NDFIP1: variants seen among roughly 807,000 people sequenced by gnomAD.
The protein encoded by NDFIP1 is Nedd4 family interacting protein 1.
A neutral mutation model predicts 28.8 loss-of-function variants in NDFIP1; 7 were observed. The observed-to-expected ratio is 0.24, with a 90% CI of 0.14 to 0.46. NDFIP1 has a LOEUF of 0.46. NDFIP1 is among the 20% of genes least tolerant of loss of function. The pLI, the probability that NDFIP1 is intolerant of heterozygous loss-of-function variation, is 0.99. For synonymous variants in NDFIP1, 92 were observed against 101.0 expected (o/e 0.91, Z 0.53); for missense variants, 194 against 269.1 (o/e 0.72, Z 1.95).
intron 1 of NDFIP1, among the ~76,000 whole-genome samples, chr5:142,114,375 G>A (rs1389303691): frequency 6.6e-6 from 1 of 152,106 alleles, no homozygotes; most frequent in Non-Finnish European, 1.5e-5. Flanking sequence ...TAGAGAAAAT[G>A]TGTATTCATG....
intron 1 of NDFIP1, among the ~76,000 whole-genome samples, chr5:142,123,546 G>A (rs188769021): frequency 5.3e-5 from 8 of 152,238 alleles, no homozygotes; most frequent in African/African-American, 1.9e-4. Context: ...ATAATTAGGA[G>A]CTTGTTTGTG....
At chr5:142,109,112 C>G (rs940739246) in intron 1 of NDFIP1, 75 bp downstream of exon 1, 15 of 1,206,160 alleles carry the variant, frequency 1.2e-5, no homozygotes, top group Non-Finnish European at 1.6e-5. Flanking sequence ...TCAGGCCTCT[C>G]TGGCCGGCCC....
At chr5:142,130,634 A>AG (rs1398375697) in intron 1 of NDFIP1, among the ~76,000 whole-genome samples, 16 of 152,092 alleles carry the variant, frequency 1.1e-4, no homozygotes, top group Non-Finnish European at 1.9e-4. Flanking sequence ...CCAGGGTCAC[A>AG]GTGTGCCATA....
At chr5:142,119,259 C>T (rs868350522) in intron 1 of NDFIP1, among the ~76,000 whole-genome samples, 6 of 152,334 alleles carry the variant, frequency 3.9e-5, no homozygotes, top group Admixed American at 1.3e-4. Context: ...TTCCACCATC[C>T]ATTTACATCA....
chr5:142,125,637 G>A (rs1039906535), intron 1 of NDFIP1, among the ~76,000 whole-genome samples: 7 of 152,224 alleles, frequency 4.6e-5, no homozygotes, highest in Non-Finnish European at 1.0e-4. Flanking sequence ...TGGGATTGCA[G>A]GCTGAGCCAC....
intron 1 of NDFIP1, among the ~76,000 whole-genome samples, chr5:142,110,318 G>T (rs1448672445): frequency 6.6e-6 from 1 of 152,142 alleles, no homozygotes; most frequent in Non-Finnish European, 1.5e-5. Flanking sequence ...GCAGCCTGCG[G>T]GTTCCTTACT....
intron 2 of NDFIP1, 69 bp from the exon 3 acceptor site, chr5:142,132,143 A>T: frequency 6.4e-7 from 1 of 1,562,694 alleles, no homozygotes; most frequent in Non-Finnish European, 8.7e-7. Context: ...TGTCTGCTAG[A>T]GTTAGTGGAA....
chr5:142,138,301 A>G (rs1462602875), intron 5 of NDFIP1: 1 of 153,434 alleles, frequency 6.5e-6, no homozygotes, highest in Non-Finnish European at 1.5e-5. Context: ...AGGATTGCTT[A>G]TGCCAAAATG....
At chr5:142,147,376 G>C (rs940006545) in intron 7 of NDFIP1, among the ~76,000 whole-genome samples, 10 of 152,188 alleles carry the variant, frequency 6.6e-5, no homozygotes, top group Middle Eastern at 3.4e-3. Flanking sequence ...GTTTAATTTT[G>C]TTAGAAGACA....
At chr5:142,109,690 A>G (rs1756991807) in intron 1 of NDFIP1, among the ~76,000 whole-genome samples, 2 of 152,164 alleles carry the variant, frequency 1.3e-5, no homozygotes, top group African/African-American at 4.8e-5. Flanking sequence ...AAATGCTTGG[A>G]AGTGACGTTT....
Position 142,132,426 on chromosome 5 carries a change from T to A in NDFIP1, c.282+84T>A, listed in dbSNP as rs187627642. 5.3e-4 allele frequency: 783 copies of A among 1,469,762 alleles called. 2 individuals carry two copies. In the African/African-American group the frequency reaches 0.01, roughly 19 times the overall value. The allele number at this position is 1,469,762 out of a possible 1,614,324, so 91.0% of individuals were successfully genotyped here. On this transcript the variant is annotated intron_variant, in intron 3 of 7. Transcript: ENST00000253814. ...TTATCCAATTTTGATTCGTTACTTA[T>A]GATTGTATTGATTAGTGAAAGTAGA...
Position 142,108,870 on chromosome 5 carries a change from C to A in NDFIP1, c.-105C>A, listed in dbSNP as rs1350810453. The A allele has an allele frequency of 1.9e-6, 2 of 1,057,052 alleles. No individual in the cohort carries two copies. Among genetic ancestry groups the A allele is most frequent in the African/African-American group, 1.7e-5 (1 of 59,734 alleles). 65.5% of individuals were successfully genotyped at this position (1,057,052 alleles called of 1,614,324 possible). ...GAGCGGCGGCGGCCATCGAGACCCA[C>A]CCAAGGCGCGTCCCCCTCGGCCTCC... On this transcript the variant is annotated 5_prime_UTR_variant, in exon 1 of 8. Transcript: ENST00000253814.
At chr5:142,140,512 G>T in intron 5 of NDFIP1, 51 bp from the exon 6 acceptor site, 5 of 1,362,344 alleles carry the variant, frequency 3.7e-6, no homozygotes, top group South Asian at 1.3e-5. Flanking sequence ...AAGTTAAAAT[G>T]AGAAATTGTG....
chr5:142,141,419 G>A (rs572788902), intron 6 of NDFIP1, among the ~76,000 whole-genome samples: 10 of 151,704 alleles, frequency 6.6e-5, no homozygotes, highest in Admixed American at 2.0e-4. Context: ...TTTGTGATCC[G>A]CCCGCCTCGG....
chr5:142,135,650 C>G, intron 3 of NDFIP1, 80 bp from the exon 4 acceptor site: 1 of 1,231,250 alleles, frequency 8.1e-7, no homozygotes, highest in Middle Eastern at 1.9e-4. Context: ...TAACTTTTTT[C>G]CTTGCTACTC....
At chr5:142,128,570 G>A (rs1757193829) in intron 1 of NDFIP1, among the ~76,000 whole-genome samples, 1 of 152,096 alleles carries the variant, frequency 6.6e-6, no homozygotes, top group South Asian at 2.1e-4. Context: ...CTTTTTGAAG[G>A]TGATTGCCTC....
At position 142,122,953 on chromosome 5, in the gene NDFIP1, G is replaced by A. The variant is rs960793258; in HGVS notation, c.64-8855G>A. Among the ~76,000 whole-genome samples, 5 of 152,148 alleles carry A rather than the reference G, an allele frequency of 3.3e-5. No individual in the cohort carries two copies. In the South Asian group the frequency reaches 6.2e-4, roughly 19 times the overall value. On this transcript the variant is annotated intron_variant, in intron 1 of 7. Coordinates refer to ENST00000253814, the MANE Select transcript of NDFIP1 (RefSeq NM_030571.4). ...TCTGAATGAATAGTAGAGTTCTCGT[G>A]TGTGTGTTTTGGTTTTGTTTTGTGT...
chr5:142,151,006 A>G (rs1757442080), intron 7 of NDFIP1, among the ~76,000 whole-genome samples: 1 of 152,224 alleles, frequency 6.6e-6, no homozygotes, highest in African/African-American at 2.4e-5. Flanking sequence ...GAACCAAAAC[A>G]ATATACTAGT....
chr5:142,140,685 T>A, intron 6 of NDFIP1, 56 bp downstream of exon 6: 2 of 1,368,002 alleles, frequency 1.5e-6, no homozygotes, highest in Non-Finnish European at 2.1e-6. Context: ...ATTTTATAAG[T>A]AAAATTACTT....
Sources: allele counts gnomAD v4.1 joint callset (sites outside exome capture counted in the v4.1 genomes callset), GRCh38; gene constraint gnomAD v4.1.1; transcripts MANE v1.5; gene names NCBI Gene and HGNC (gene_info 2026-07-23, HGNC 2026-07-21).